Variants in AGMO observed in about 807,000 individuals in gnomAD.
AGMO encodes the protein alkylglycerol monooxygenase.
A neutral mutation model predicts 60.2 loss-of-function variants in AGMO; 75 were observed. The ratio of observed to expected loss-of-function variants is 1.25; its 90% CI spans 1.03 to 1.51. The LOEUF (loss-of-function observed/expected upper bound fraction) is 1.51, where lower values mean the gene tolerates loss of function less well. AGMO is among the 40% of genes most tolerant of loss of function. The pLI, the probability that AGMO is intolerant of heterozygous loss-of-function variation, is 0.00. For synonymous variants in AGMO, 261 were observed against 177.1 expected (o/e 1.47, Z -3.76); for missense variants, 763 against 525.5 (o/e 1.45, Z -4.42).
chr7:15,383,849 C>T (rs983487788), intron 10 of AGMO, among the ~76,000 whole-genome samples: 12 of 151,938 alleles, frequency 7.9e-5, no homozygotes, highest in African/African-American at 2.9e-4. Flanking sequence ...TTCTTCATAT[C>T]TGAAGATAAC....
At chr7:15,527,259 T>C (rs1784151464) in intron 3 of AGMO, among the ~76,000 whole-genome samples, 1 of 152,106 alleles carries the variant, frequency 6.6e-6, no homozygotes, top group South Asian at 2.1e-4. Context: ...AGCAAAGAAG[T>C]TCTTGAAAAA....
intron 3 of AGMO, among the ~76,000 whole-genome samples, chr7:15,491,179 A>G (rs549167626): frequency 4.6e-4 from 70 of 152,330 alleles, no homozygotes; most frequent in African/African-American, 1.6e-3. Context: ...AAATACAGAA[A>G]TGACAGCGGA....
At chr7:15,499,967 AAAGC>A (rs1335082583) in intron 3 of AGMO, among the ~76,000 whole-genome samples, 1 of 149,984 alleles carries the variant, frequency 6.7e-6, no homozygotes, top group Non-Finnish European at 1.5e-5. Flanking sequence ...TTTCCAGAAA[AAAGC>A]AATTGGATTT....
chr7:15,225,971 T>C (rs1753341524), intron 12 of AGMO, among the ~76,000 whole-genome samples: 1 of 152,040 alleles, frequency 6.6e-6, no homozygotes, highest in Non-Finnish European at 1.5e-5. Context: ...TAAATATTCA[T>C]TGAAAAAATA....
intron 12 of AGMO, among the ~76,000 whole-genome samples, chr7:15,304,527 A>G (rs1307072209): frequency 6.6e-6 from 1 of 152,112 alleles, no homozygotes; most frequent in Non-Finnish European, 1.5e-5. Context: ...GTTTTATTAC[A>G]GAAATATAAG....
the AGMO span, among the ~76,000 whole-genome samples, chr7:15,159,113 T>C: frequency 0.063 from 9,529 of 152,182 alleles, 921 homozygotes; most frequent in African/African-American, 0.21. Context: ...CTTTGTATTT[T>C]ATTCCAAATA....
chr7:15,523,891 G>T, intron 3 of AGMO, among the ~76,000 whole-genome samples: 1 of 151,992 alleles, frequency 6.6e-6, no homozygotes, highest in East Asian at 1.9e-4. Context: ...TTACTAAATG[G>T]TTAACTACAT....
At chr7:15,365,676 C>A (rs1782948429) in intron 11 of AGMO, 57 bp from the exon 12 acceptor site, 2 of 1,163,442 alleles carry the variant, frequency 1.7e-6, no homozygotes, top group East Asian at 4.8e-5. Context: ...TATATGTTCA[C>A]ATGTTATAAT....
At chr7:15,175,276 G>A in the AGMO span, among the ~76,000 whole-genome samples, 31 of 151,926 alleles carry the variant, frequency 2.0e-4, no homozygotes, top group Non-Finnish European at 4.1e-4. Context: ...AAAGAAAAGA[G>A]CTACTTTAAC....
At chr7:15,375,409 T>G (rs1783410239) in intron 10 of AGMO, among the ~76,000 whole-genome samples, 1 of 78,460 alleles carries the variant, frequency 1.3e-5, no homozygotes, top group African/African-American at 4.0e-5. Flanking sequence ...TTTTTTTTTT[T>G]TTTTGAGACA....
intron 3 of AGMO, among the ~76,000 whole-genome samples, chr7:15,495,817 A>T (rs1381191629): frequency 9.8e-6 from 1 of 102,164 alleles, no homozygotes; most frequent in Non-Finnish European, 2.2e-5. Context: ...GTGGGGATGG[A>T]GACTCTCTCT....
Position 15,363,862 on chromosome 7 carries a change from T to A in AGMO, c.1263+1652A>T, listed in dbSNP as rs556113490. 2.4e-4 allele frequency among the ~76,000 whole-genome samples: 36 copies of A among 152,234 alleles called. No individual in the cohort carries two copies. The South Asian group carries it at 7.1e-3, about 30-fold the overall frequency. On this transcript the variant is annotated intron_variant, in intron 12 of 12. Coordinates refer to ENST00000342526, the MANE Select transcript of AGMO (RefSeq NM_001004320.2). ...GTACTCTCATTAAATGAAATTATTG[T>A]CTTTCATGCCTTAAATTAGAATGTG...
Position 15,560,268 on chromosome 7 carries a change from T to A in AGMO, c.130A>T (p.Thr44Ser). The A allele has an allele frequency of 6.2e-7, 1 of 1,611,106 alleles. No homozygotes were observed. Among genetic ancestry groups the A allele is most frequent in the South Asian group, 1.1e-5 (1 of 90,874 alleles). The change falls in exon 2 of 13, where the codon ACT (threonine) becomes TCT (serine). Residue 44 changes from threonine (T) to serine (S), a missense_variant. Coordinates refer to ENST00000342526, the MANE Select transcript of AGMO (RefSeq NM_001004320.2). Reference protein sequence around the residue: ...EEVPDYVKKATPFFISLMLLE... With the variant: ...EEVPDYVKKASPFFISLMLLE... Reference sequence around the variant, plus strand: ...AGCATCAAAGAAATGAAAAATGGAGTTGCCTGGAAAGGAAGTTGCAGAAAA... The same window carrying A: ...AGCATCAAAGAAATGAAAAATGGAGATGCCTGGAAAGGAAGTTGCAGAAAA...
the AGMO span, among the ~76,000 whole-genome samples, chr7:15,183,200 C>T: frequency 5.3e-5 from 8 of 151,654 alleles, no homozygotes; most frequent in African/African-American, 1.5e-4. Flanking sequence ...CTATTCTATC[C>T]TCTTGATATA....
chr7:15,119,614 C>T, the AGMO span, among the ~76,000 whole-genome samples: 1 of 152,150 alleles, frequency 6.6e-6, no homozygotes, highest in Non-Finnish European at 1.5e-5. Context: ...TCCCTTCATT[C>T]TTGCAGCTGA....
chr7:15,270,073 T>C (rs79811408), intron 12 of AGMO, among the ~76,000 whole-genome samples: 2,742 of 152,150 alleles, frequency 0.018, 89 homozygotes, highest in African/African-American at 0.063. Context: ...AAAAAAGATA[T>C]AAATGCAGGT....
chr7:15,418,770 G>T, intron 4 of AGMO, 117 bp from the exon 5 acceptor site: 1 of 625,206 alleles, frequency 1.6e-6, no homozygotes, highest in Non-Finnish European at 2.7e-6. Flanking sequence ...ACTATATACT[G>T]TATATTTTAT....
At chr7:15,329,405 CCCTT>C (rs1219451032) in intron 12 of AGMO, among the ~76,000 whole-genome samples, 2 of 152,114 alleles carry the variant, frequency 1.3e-5, no homozygotes, top group East Asian at 3.9e-4. Flanking sequence ...GAAAAAGAAA[CCCTT>C]CAAGATTAAG....
intron 12 of AGMO, among the ~76,000 whole-genome samples, chr7:15,216,869 C>T (rs1762696652): frequency 1.1e-5 from 1 of 92,416 alleles, no homozygotes. Context: ...TGTGTGTACA[C>T]ATGCACACAT....
Sources: allele counts gnomAD v4.1 joint callset (sites outside exome capture counted in the v4.1 genomes callset), GRCh38; gene constraint gnomAD v4.1.1; transcripts MANE v1.5; gene names NCBI Gene and HGNC (gene_info 2026-07-23, HGNC 2026-07-21).